Variants in STX3 observed in about 807,000 individuals in gnomAD.
The protein encoded by STX3 is syntaxin-3.
Under a neutral mutation model 40.2 loss-of-function variants are expected in STX3, and 19 were observed. The ratio of observed to expected loss-of-function variants is 0.47; its 90% CI spans 0.33 to 0.69. STX3 has a LOEUF of 0.69. Among genes scored for constraint, STX3 ranks in the 30% least tolerant of loss-of-function variants. The probability of loss-of-function intolerance (pLI) is 0.02; values close to 1 mark genes in which losing one functional copy is unlikely to be tolerated. For synonymous variants in STX3, 122 were observed against 132.2 expected (o/e 0.92, Z 0.53); for missense variants, 364 against 366.7 (o/e 0.99, Z 0.06).
chr11:59,768,264 A>C (rs1241030492), intron 1 of STX3, among the ~76,000 whole-genome samples: 1 of 152,168 alleles, frequency 6.6e-6, no homozygotes, highest in Non-Finnish European at 1.5e-5. Context: ...TATCAACTTC[A>C]ACTTTCTAGG....
At position 59,788,721 on chromosome 11, in the gene STX3, A is replaced by G. The variant is rs764264670; in HGVS notation, c.215-152A>G. On this transcript the variant is annotated intron_variant, in intron 3 of 10. Transcript: ENST00000337979. The stretch of plus-strand genomic sequence containing the variant: ...AAAAAAATAAGCACTCTGTGATTCT[A>G]ATGACAGATGCTGGGGAGTGCGTAG... 11 of 519,376 alleles carry G rather than the reference A, an allele frequency of 2.1e-5. 1 individual carries two copies. The highest frequency in any genetic ancestry group is 3.8e-5 in the Non-Finnish European group (11 of 291,258). 32.2% of individuals were successfully genotyped at this position (519,376 alleles called of 1,614,324 possible).
At chr11:59,790,610 A>G in intron 5 of STX3, 24 bp downstream of exon 5, 1 of 1,571,938 alleles carries the variant, frequency 6.4e-7, no homozygotes, top group Non-Finnish European at 8.8e-7. Context: ...TGGTCTCATG[A>G]TTAGCTAGTC....
intron 1 of STX3, among the ~76,000 whole-genome samples, chr11:59,761,551 A>G (rs1863035390): frequency 6.6e-6 from 1 of 152,188 alleles, no homozygotes. Context: ...GATATTCTGT[A>G]AATTTATTTG....
intron 1 of STX3, among the ~76,000 whole-genome samples, chr11:59,762,543 A>T (rs1863089641): frequency 6.6e-6 from 1 of 152,170 alleles, no homozygotes; most frequent in Non-Finnish European, 1.5e-5. Flanking sequence ...AGTATTCTAG[A>T]ATGACCATGA....
chr11:59,784,784 C>T (rs1466496887), intron 2 of STX3, among the ~76,000 whole-genome samples: 1 of 152,140 alleles, frequency 6.6e-6, no homozygotes. Context: ...CCTCCCACAA[C>T]ACATGGGGAT....
chr11:59,795,672 A>G, intron 9 of STX3, 190 bp downstream of exon 9: 1 of 1,537,200 alleles, frequency 6.5e-7, no homozygotes, highest in Non-Finnish European at 8.7e-7. Context: ...GCCGTGGCAG[A>G]TACCAAAAAG....
intron 2 of STX3, among the ~76,000 whole-genome samples, chr11:59,779,512 T>A (rs141327647): frequency 2.0e-5 from 3 of 152,322 alleles, no homozygotes; most frequent in Non-Finnish European, 4.4e-5. Context: ...GCACATTCAG[T>A]CCATAAGAAG....
rs1329959727 is a variant in STX3, at chr11:59,802,805, CCA to C, written c.*1982_*1983del. On this transcript the variant is annotated 3_prime_UTR_variant, in exon 11 of 11. Coordinates refer to ENST00000337979, the MANE Select transcript of STX3 (RefSeq NM_004177.5). Reference sequence around the variant, plus strand: ...AGAATGCAGTTCACACCTTTTTAAGCCATGTGCTGGATCAGATGGTTCAAAAG... The same window carrying C: ...AGAATGCAGTTCACACCTTTTTAAGCTGTGCTGGATCAGATGGTTCAAAAG... 1.0e-6 allele frequency: 1 copy of C among 987,702 alleles called. No individual in the cohort carries two copies. The highest frequency in any genetic ancestry group is 1.7e-5 in the African/African-American group (1 of 57,322). 61.2% of individuals were successfully genotyped at this position (987,702 alleles called of 1,614,324 possible). A position where few individuals can be genotyped will look rare whatever the true frequency, so the allele number is the denominator to read the frequency against.
chr11:59,762,873 CCTT>C (rs1051193867), intron 1 of STX3, among the ~76,000 whole-genome samples: 1 of 152,158 alleles, frequency 6.6e-6, no homozygotes, highest in Admixed American at 6.5e-5. Context: ...CCCTGAGTGG[CCTT>C]CTTGTAGGTT....
At position 59,802,477 on chromosome 11, in the gene STX3, C is replaced by G. The variant is rs1865922937; in HGVS notation, c.*1653C>G. 1.0e-6 allele frequency: 1 copy of G among 985,784 alleles called. No homozygotes were observed. The highest frequency in any genetic ancestry group is 1.1e-4 in the East Asian group (1 of 8,812). 61.1% of individuals were successfully genotyped at this position (985,784 alleles called of 1,614,324 possible). A position where few individuals can be genotyped will look rare whatever the true frequency, so the allele number is the denominator to read the frequency against. On this transcript the variant is annotated 3_prime_UTR_variant, in exon 11 of 11. Coordinates refer to ENST00000337979, the MANE Select transcript of STX3 (RefSeq NM_004177.5). Reference sequence around the variant, plus strand: ...TCACAATCCAGCACTCAGACAGAGCCAAGGCAATATCCTCTTGCCCATGGC... The same window carrying G: ...TCACAATCCAGCACTCAGACAGAGCGAAGGCAATATCCTCTTGCCCATGGC...
Position 59,800,980 on chromosome 11 carries a change from C to T in STX3, c.*156C>T. ...TCCTTGCAACCACCCTTGGACCTGA[C>T]TCAGCTAACAATCTAGCCCTGGGGG... On this transcript the variant is annotated 3_prime_UTR_variant, in exon 11 of 11. Transcript: ENST00000337979. 2 of 1,533,596 alleles carry T rather than the reference C, an allele frequency of 1.3e-6. No homozygotes were observed. Among genetic ancestry groups the T allele is most frequent in the South Asian group, 1.2e-5 (1 of 83,826 alleles). 95.0% of individuals were successfully genotyped at this position (1,533,596 alleles called of 1,614,324 possible).
chr11:59,799,795 C>T (rs1351572576), intron 10 of STX3: 32 of 985,288 alleles, frequency 3.2e-5, no homozygotes, highest in Admixed American at 6.1e-5. Context: ...AACAACCTCT[C>T]ATAGACAGGT....
intron 1 of STX3, among the ~76,000 whole-genome samples, chr11:59,763,556 A>G (rs1259654042): frequency 6.6e-6 from 1 of 152,218 alleles, no homozygotes; most frequent in Non-Finnish European, 1.5e-5. Flanking sequence ...GAAAATGCCA[A>G]ATCTCACAGA....
chr11:59,770,372 T>G (rs1194475317), intron 1 of STX3, among the ~76,000 whole-genome samples: 1 of 151,086 alleles, frequency 6.6e-6, no homozygotes, highest in Non-Finnish European at 1.5e-5. Context: ...AGTGTGTGTA[T>G]GTATAGGGTG....
chr11:59,802,518 TG>T lies in STX3; in HGVS notation c.*1696del. Reference sequence around the variant, plus strand: ...TGCCCATGGCTATGATGTCAGACAGTGGATGGGCTCCAGCAACAAGAGACAA... The same window carrying T: ...TGCCCATGGCTATGATGTCAGACAGTGATGGGCTCCAGCAACAAGAGACAA... On this transcript the variant is annotated 3_prime_UTR_variant, in exon 11 of 11. Transcript: ENST00000337979. The T allele has an allele frequency of 4.1e-6, 4 of 985,828 alleles. No homozygotes were observed. The highest frequency in any genetic ancestry group is 4.8e-6 in the Non-Finnish European group (4 of 829,934). The allele number at this position is 985,828 out of a possible 1,614,324, so 61.1% of individuals were successfully genotyped here.
chr11:59,790,020 A>G (rs537486660), intron 4 of STX3, among the ~76,000 whole-genome samples: 2 of 152,314 alleles, frequency 1.3e-5, no homozygotes, highest in South Asian at 4.1e-4. Flanking sequence ...GCTCAGCTCA[A>G]TTTACCATTT....
rs138659370 is a variant in STX3 at position 59,756,540 on chromosome 11, C to T, written c.30+905C>T. 1.4e-4 allele frequency among the ~76,000 whole-genome samples: 21 copies of T among 152,254 alleles called. No individual in the cohort carries two copies. In the East Asian group the frequency reaches 3.5e-3, roughly 25 times the overall value. On this transcript the variant is annotated intron_variant, in intron 1 of 10. Transcript: ENST00000337979. ...GCCCTTGACACTCAAGAGTTTAGTC[C>T]ATCTACTTTGGAGCTTGTTACAAGT...
chr11:59,801,201 A>T lies in STX3; in HGVS notation c.*377A>T. 8.7e-7 allele frequency: 1 copy of T among 1,148,792 alleles called. No individual in the cohort carries two copies. The highest frequency in any genetic ancestry group is 1.1e-6 in the Non-Finnish European group (1 of 932,004). 71.2% of individuals were successfully genotyped at this position (1,148,792 alleles called of 1,614,324 possible). On this transcript the variant is annotated 3_prime_UTR_variant, in exon 11 of 11. Transcript: ENST00000337979. Reference sequence around the variant, plus strand: ...GGTGCTGTATTTTTCTACCTCATGGAGTATTCTCCCAGAAACTGCAATGTA... The same window carrying T: ...GGTGCTGTATTTTTCTACCTCATGGTGTATTCTCCCAGAAACTGCAATGTA...
In STX3 at chr11:59,764,540, C is replaced by T. The variant is rs1039027774; in HGVS notation, c.31-8671C>T. Among the ~76,000 whole-genome samples, 4 of 152,152 alleles carry T rather than the reference C, an allele frequency of 2.6e-5. No homozygotes were observed. In the South Asian group the frequency reaches 8.3e-4, roughly 32 times the overall value. ...CTGACTGCCTGAGTTGGATTATATA[C>T]ACTGGTATCTTTTTCACTCATGCAT... On this transcript the variant is annotated intron_variant, in intron 1 of 10. Coordinates refer to ENST00000337979, the MANE Select transcript of STX3 (RefSeq NM_004177.5).
Sources: gnomAD v4.1 joint callset for allele counts (sites outside exome capture counted in the v4.1 genomes callset) on GRCh38, gnomAD v4.1.1 for gene constraint, MANE v1.5 for transcripts, NCBI Gene and HGNC (gene_info 2026-07-23, HGNC 2026-07-21) for gene names.